IQGAP1: variants seen among roughly 807,000 people sequenced by gnomAD.
IQGAP1 encodes ras GTPase-activating-like protein IQGAP1.
A neutral mutation model predicts 215.6 loss-of-function variants in IQGAP1; 66 were observed. The observed-to-expected ratio is 0.31, with a 90% confidence interval of 0.25 to 0.38. The LOEUF (loss-of-function observed/expected upper bound fraction) is 0.38. Among genes scored for constraint, IQGAP1 ranks in the 10% least tolerant of loss-of-function variants. IQGAP1 has a pLI of 1.00. For synonymous variants in IQGAP1, 772 were observed against 728.7 expected (o/e 1.06, Z -0.96); for missense variants, 1,712 against 1,997.1 (o/e 0.86, Z 2.72).
chr15:90,449,282 C>G (rs1030004816), intron 10 of IQGAP1, among the ~76,000 whole-genome samples: 1 of 152,086 alleles, frequency 6.6e-6, no homozygotes, highest in Non-Finnish European at 1.5e-5. Context: ...CATTAACGTG[C>G]TTAAGATTCT....
In IQGAP1 at chr15:90,466,090, G is replaced by T; in HGVS notation, c.1866G>T (p.Lys622Asn). The stretch of plus-strand genomic sequence containing the variant: ...ACAAAGACACCCAAGAAGCACAGAA[G>T]TGTATGTATCACCTGTTTTATTTCT... The part of the protein sequence containing the change: ...QSNKDTQEAQ[K>N]FALGIFAINE... The change falls in exon 16 of 38, where the codon AAG becomes AAT. Residue 622 changes from lysine (K) to asparagine (N), a missense_variant and splice_region_variant. Physicochemically the swap from Lys to Asn is moderately conservative, Grantham distance 94 (BLOSUM62 0). Coordinates refer to ENST00000268182, the MANE Select transcript of IQGAP1 (RefSeq NM_003870.4). The T allele has an allele frequency of 3.7e-6, 6 of 1,613,668 alleles. No homozygotes were observed. The highest frequency in any genetic ancestry group is 5.1e-6 in the Non-Finnish European group (6 of 1,179,580).
At position 90,473,651 on chromosome 15, in the gene IQGAP1, T is replaced by TG. The variant is rs1162170277; in HGVS notation, c.2350-64_2350-63insG. On this transcript the variant is annotated intron_variant, in intron 19 of 37. Coordinates refer to ENST00000268182, the MANE Select transcript of IQGAP1 (RefSeq NM_003870.4). ...TTGGATCATGTATCAAGATGAAAGTTTTTTTTTAACTTCCATTGATGCTTG... is the reference window on the plus strand; with the variant it reads ...TTGGATCATGTATCAAGATGAAAGTTGTTTTTTTAACTTCCATTGATGCTTG... 4 of 1,232,678 alleles carry TG rather than the reference T, an allele frequency of 3.2e-6. No homozygotes were observed. In the African/African-American group the frequency reaches 4.5e-5, roughly 14 times the overall value. The allele number at this position is 1,232,678 out of a possible 1,614,324, so 76.4% of individuals were successfully genotyped here.
intron 31 of IQGAP1, 40 bp from the exon 32 acceptor site, chr15:90,486,914 C>A: frequency 6.3e-7 from 1 of 1,597,242 alleles, no homozygotes; most frequent in Non-Finnish European, 8.6e-7. Flanking sequence ...TATCTCCTCT[C>A]TTTATTACGC....
In IQGAP1 at chr15:90,452,850, A is replaced by C. The variant is rs747894331; in HGVS notation, c.1238A>C (p.Asn413Thr). The C allele has an allele frequency of 6.2e-7, 1 of 1,614,150 alleles. No individual in the cohort carries two copies. The highest frequency in any genetic ancestry group is 1.7e-5 in the Admixed American group (1 of 60,018). ...GAGAAGACTGTTTTGGAACTGATGA[A>C]TCCCGAAGCCCAGCTGCCCCAGGTG... Reference protein sequence around the residue: ...VAEKTVLELMNPEAQLPQVYP... With the variant: ...VAEKTVLELMTPEAQLPQVYP... The change falls in exon 12 of 38, where the codon AAT (asparagine) becomes ACT (threonine). Residue 413 changes from asparagine to threonine, a missense_variant. Asn to Thr is a moderately conservative substitution (Grantham distance 65). This residue lies in a region of IQGAP1 where 1,021 missense variants were observed against 1,074.2 expected (regional missense o/e 0.95). Coordinates refer to ENST00000268182, the MANE Select transcript of IQGAP1 (RefSeq NM_003870.4).
chr15:90,493,228 A>G (rs1974519), intron 35 of IQGAP1, among the ~76,000 whole-genome samples: 87,401 of 151,300 alleles, frequency 0.58, 27,109 homozygotes, highest in East Asian at 0.85. Context: ...GGGCGACAGA[A>G]CAAGACTCTG....
At chr15:90,443,135 G>A (rs1285341563) in intron 8 of IQGAP1, among the ~76,000 whole-genome samples, 2 of 152,106 alleles carry the variant, frequency 1.3e-5, no homozygotes. Context: ...ATAAAAAAAA[G>A]TTTTTTGTAG....
chr15:90,427,345 C>G (rs1965237759), intron 3 of IQGAP1, among the ~76,000 whole-genome samples: 1 of 152,114 alleles, frequency 6.6e-6, no homozygotes, highest in African/African-American at 2.4e-5. Context: ...GTTCAAGGTA[C>G]AATGGGAAAG....
intron 22 of IQGAP1, 97 bp downstream of exon 22, chr15:90,474,230 A>C (rs937692362): frequency 1.8e-6 from 2 of 1,126,780 alleles, no homozygotes; most frequent in Admixed American, 2.5e-5. Flanking sequence ...CCTGAAGGCA[A>C]GGCTTGGGGG....
Position 90,492,717 on chromosome 15 carries a change from T to C in IQGAP1, c.4628+6T>C. 1 of 1,596,712 alleles carries C rather than the reference T, an allele frequency of 6.3e-7. No homozygotes were observed. The highest frequency in any genetic ancestry group is 1.1e-5 in the South Asian group (1 of 87,714). On this transcript the variant is annotated splice_donor_region_variant and intron_variant, in intron 35 of 37. Transcript: ENST00000268182. ...AACTTAGCCAGCAAGGGCAAGTGAG[T>C]ATTTTTTCTTTTTAAAGAATCAATG...
chr15:90,430,142 GT>G (rs1178512056), intron 4 of IQGAP1, among the ~76,000 whole-genome samples: 1 of 152,132 alleles, frequency 6.6e-6, no homozygotes, highest in East Asian at 1.9e-4. Flanking sequence ...TCCTGGATCT[GT>G]TTTTGGTCAT....
At chr15:90,418,058 T>C (rs1384158144) in intron 2 of IQGAP1, among the ~76,000 whole-genome samples, 2 of 152,168 alleles carry the variant, frequency 1.3e-5, no homozygotes, top group Non-Finnish European at 2.9e-5. Context: ...CATCTCCTAT[T>C]GTAGCTAGCT....
chr15:90,491,462 C>T lies in IQGAP1; in HGVS notation c.4378C>T (p.Gln1460Ter), dbSNP rs1227751735. Reference protein sequence around the residue: ...LTLQEKKEKIQTGLKKLTELG... With the variant: ...LTLQEKKEKI Reference sequence around the variant, plus strand: ...TCTTCAAGAGAAGAAAGAGAAGATCCAGACAGGTTTAAAGAAGCTAACAGA... The same window carrying T: ...TCTTCAAGAGAAGAAAGAGAAGATCTAGACAGGTTTAAAGAAGCTAACAGA... The change falls in exon 34 of 38, where the codon CAG becomes TAG. Residue 1460 changes from glutamine to a stop codon, truncating the protein, a stop_gained. Coordinates refer to ENST00000268182, the MANE Select transcript of IQGAP1 (RefSeq NM_003870.4). LOFTEE classifies it high-confidence loss of function. 1 of 1,613,996 alleles carries T rather than the reference C, an allele frequency of 6.2e-7. No homozygotes were observed. Among genetic ancestry groups the T allele is most frequent in the African/African-American group, 1.3e-5 (1 of 74,910 alleles).
intron 15 of IQGAP1, among the ~76,000 whole-genome samples, chr15:90,464,142 T>C (rs919511641): frequency 6.6e-6 from 1 of 152,232 alleles, no homozygotes; most frequent in Non-Finnish European, 1.5e-5. Context: ...ATTTTTGAGC[T>C]GCTATTTATA....
chr15:90,438,881 C>G (rs113745016), intron 5 of IQGAP1, among the ~76,000 whole-genome samples: 1 of 151,938 alleles, frequency 6.6e-6, no homozygotes, highest in Admixed American at 6.6e-5. Flanking sequence ...CATGCCACCA[C>G]GCCTGGCTAA....
intron 18 of IQGAP1, among the ~76,000 whole-genome samples, chr15:90,467,953 C>G (rs1029627091): frequency 2.6e-5 from 4 of 152,214 alleles, no homozygotes; most frequent in South Asian, 2.1e-4. Flanking sequence ...ACAACCTGCA[C>G]TTTCAAATAA....
At chr15:90,452,396 G>A (rs1053098531) in intron 11 of IQGAP1, among the ~76,000 whole-genome samples, 2 of 152,214 alleles carry the variant, frequency 1.3e-5, no homozygotes, top group Non-Finnish European at 2.9e-5. Context: ...GCTGAGTTGT[G>A]TAAGATCAAG....
intron 35 of IQGAP1, 42 bp from the exon 36 acceptor site, chr15:90,494,671 A>C (rs1288795135): frequency 1.0e-5 from 16 of 1,553,694 alleles, no homozygotes; most frequent in Non-Finnish European, 1.4e-5. Context: ...GATTCAGAGT[A>C]GATGGTTACT....
In IQGAP1 at chr15:90,421,168, A is replaced by G. The variant is rs544006738; in HGVS notation, c.156-4942A>G. Among the ~76,000 whole-genome samples the G allele has an allele frequency of 3.3e-5, 5 of 150,646 alleles. 1 individual carries two copies. The East Asian group carries it at 1.0e-3, about 30-fold the overall frequency. Reference sequence around the variant, plus strand: ...AAATTTTTTTTAATAAAGTCTTCATAAAGCTAAATTTATAAAAAAGCTAGA... The same window carrying G: ...AAATTTTTTTTAATAAAGTCTTCATGAAGCTAAATTTATAAAAAAGCTAGA... On this transcript the variant is annotated intron_variant, in intron 2 of 37. Transcript: ENST00000268182.
In IQGAP1 at chr15:90,437,744, T is replaced by A. The variant is rs368579870; in HGVS notation, c.468-1588T>A. 7.2e-5 allele frequency among the ~76,000 whole-genome samples: 11 copies of A among 152,282 alleles called. No homozygotes were observed. The South Asian group carries it at 1.2e-3, about 17-fold the overall frequency. ...TTTGTAGAGACAAGTCTTGCTATGT[T>A]GCTCAAGCTGTTTTGAATTCCTGAC... On this transcript the variant is annotated intron_variant, in intron 5 of 37. Transcript: ENST00000268182.
Sources: allele counts gnomAD v4.1 joint callset (sites outside exome capture counted in the v4.1 genomes callset), GRCh38; gene constraint gnomAD v4.1.1; regional missense constraint gnomAD v4.1.1; transcripts MANE v1.5; gene names NCBI Gene and HGNC (gene_info 2026-07-23, HGNC 2026-07-21).